The following CTIF variants were observed in gnomAD, a reference collection of about 807,000 sequenced individuals.
CTIF encodes cap binding complex dependent translation initiation factor.
Under a neutral mutation model 66.0 loss-of-function variants are expected in CTIF, and 21 were observed. The observed-to-expected ratio is 0.32, with a 90% CI of 0.23 to 0.46. The LOEUF (loss-of-function observed/expected upper bound fraction) is 0.46. Among genes scored for constraint, CTIF ranks in the 20% least tolerant of loss-of-function variants. The pLI, the probability that CTIF is intolerant of heterozygous loss-of-function variation, is 1.00. For missense variants in CTIF, 739 were observed against 812.7 expected (o/e 0.91, Z 1.10); for synonymous variants, 345 against 326.4 (o/e 1.06, Z -0.62).
chr18:48,714,723 T>C (rs1490894818), intron 7 of CTIF, among the ~76,000 whole-genome samples: 3 of 152,232 alleles, frequency 2.0e-5, no homozygotes, highest in African/African-American at 7.2e-5. Flanking sequence ...AGCTGAATTA[T>C]ATAGCAGTTT....
chr18:48,625,485 C>A (rs2090577174), intron 2 of CTIF, among the ~76,000 whole-genome samples: 1 of 152,190 alleles, frequency 6.6e-6, no homozygotes, highest in South Asian at 2.1e-4. Flanking sequence ...TTCTGTGCTA[C>A]CACCTCATTC....
intron 3 of CTIF, among the ~76,000 whole-genome samples, chr18:48,649,525 G>A (rs770931830): frequency 1.2e-4 from 18 of 152,230 alleles, no homozygotes; most frequent in South Asian, 2.1e-4. Flanking sequence ...TGGGGGCAGC[G>A]CATAGCTGAA....
intron 7 of CTIF, among the ~76,000 whole-genome samples, chr18:48,737,148 G>T (rs543741139): frequency 6.6e-6 from 1 of 152,242 alleles, no homozygotes; most frequent in East Asian, 1.9e-4. Context: ...AAGTTGGCTA[G>T]TTCTGTGGCT....
intron 7 of CTIF, among the ~76,000 whole-genome samples, chr18:48,724,709 C>T (rs973017773): frequency 2.0e-5 from 3 of 152,196 alleles, no homozygotes; most frequent in Admixed American, 6.5e-5. Context: ...GAAGCAGGTG[C>T]GGCCACTGAG....
chr18:48,767,300 C>T (rs1909662346), intron 9 of CTIF, among the ~76,000 whole-genome samples: 1 of 152,132 alleles, frequency 6.6e-6, no homozygotes, highest in Admixed American at 6.5e-5. Flanking sequence ...ACGAGTGTGC[C>T]TCTTTTTATG....
chr18:48,600,842 C>G (rs2090077377), intron 1 of CTIF, among the ~76,000 whole-genome samples: 1 of 152,126 alleles, frequency 6.6e-6, no homozygotes, highest in African/African-American at 2.4e-5. Flanking sequence ...ATATTCCCAG[C>G]CAGCCCTGAG....
chr18:48,815,997 T>G (rs756688343), intron 9 of CTIF, among the ~76,000 whole-genome samples: 1 of 152,208 alleles, frequency 6.6e-6, no homozygotes, highest in Admixed American at 6.5e-5. Context: ...ACTCCTGTAT[T>G]GGTCAGCTAT....
At chr18:48,595,321 T>C (rs1265089606) in intron 1 of CTIF, among the ~76,000 whole-genome samples, 1 of 152,234 alleles carries the variant, frequency 6.6e-6, no homozygotes, top group Non-Finnish European at 1.5e-5. Flanking sequence ...CTTCCAGGTC[T>C]CAGTTAGGAT....
chr18:48,771,007 G>A (rs559595495), intron 9 of CTIF, among the ~76,000 whole-genome samples: 3 of 151,756 alleles, frequency 2.0e-5, no homozygotes, highest in African/African-American at 4.8e-5. Context: ...CCCCCCCTAC[G>A]CTGATTAAAT....
At chr18:48,713,882 C>G (rs889063890) in intron 7 of CTIF, among the ~76,000 whole-genome samples, 5 of 152,226 alleles carry the variant, frequency 3.3e-5, no homozygotes, top group Non-Finnish European at 7.3e-5. Flanking sequence ...GTCAGAGCAG[C>G]AGCCATGCCT....
At chr18:48,540,121 AC>A (rs1412422471) in intron 1 of CTIF, 3 of 151,790 alleles carry the variant, frequency 2.0e-5, no homozygotes, top group Non-Finnish European at 4.4e-5. Context: ...AAATCGGTGG[AC>A]CCGTTGCGGT....
intron 7 of CTIF, among the ~76,000 whole-genome samples, chr18:48,735,096 CGTGTGT>C (rs34150644): frequency 8.7e-5 from 13 of 149,852 alleles, no homozygotes; most frequent in South Asian, 2.1e-4. Context: ...AGTTTGTGTG[CGTGTGT>C]GTGTGTGTGT....
intron 6 of CTIF, among the ~76,000 whole-genome samples, chr18:48,707,515 C>A (rs903484186): frequency 6.6e-6 from 1 of 151,768 alleles, no homozygotes. Flanking sequence ...GATTGATCTT[C>A]TCTTCTTCTC....
intron 9 of CTIF, among the ~76,000 whole-genome samples, chr18:48,776,894 G>C (rs1910736961): frequency 6.6e-6 from 1 of 152,242 alleles, no homozygotes; most frequent in Non-Finnish European, 1.5e-5. Context: ...AGATCCGGTG[G>C]GGAGCCCCAG....
intron 6 of CTIF, among the ~76,000 whole-genome samples, chr18:48,678,894 CA>C (rs2091691544): frequency 6.6e-6 from 1 of 152,192 alleles, no homozygotes; most frequent in Admixed American, 6.5e-5. Flanking sequence ...GTCCACAGAC[CA>C]AGTCCAGCTC....
intron 10 of CTIF, among the ~76,000 whole-genome samples, chr18:48,819,328 G>T (rs1214321229): frequency 6.6e-6 from 1 of 152,202 alleles, no homozygotes; most frequent in Non-Finnish European, 1.5e-5. Context: ...GTGGCCTCTT[G>T]GGTCCTCCCA....
At chr18:48,583,067 G>A (rs1249898109) in intron 1 of CTIF, among the ~76,000 whole-genome samples, 1 of 152,188 alleles carries the variant, frequency 6.6e-6, no homozygotes, top group East Asian at 1.9e-4. Flanking sequence ...GGAGGGAGGA[G>A]GATGATGGGG....
chr18:48,861,752 C>T lies in CTIF; in HGVS notation c.*2193C>T, dbSNP rs946163788. On this transcript the variant is annotated 3_prime_UTR_variant, in exon 12 of 12. Coordinates refer to ENST00000256413, the MANE Select transcript of CTIF (RefSeq NM_014772.3). ...TGTGGAGGGGGCTGTGTTGTGGGCA[C>T]CTTGGGGCCTGATTCTCCTTCCTCC... 1.3e-5 allele frequency: 2 copies of T among 152,282 alleles called. No individual in the cohort carries two copies. Among genetic ancestry groups the T allele is most frequent in the African/African-American group, 4.8e-5 (2 of 41,454 alleles). The allele number at this position is 152,282 out of a possible 1,614,324, so 9.4% of individuals were successfully genotyped here. A position where few individuals can be genotyped will look rare whatever the true frequency, so the allele number is the denominator to read the frequency against.
At chr18:48,541,836 C>A (rs2088627876) in intron 1 of CTIF, among the ~76,000 whole-genome samples, 1 of 151,658 alleles carries the variant, frequency 6.6e-6, no homozygotes, top group Admixed American at 6.6e-5. Flanking sequence ...CCCCCAGAAC[C>A]TCCCCCCTCC....
Sources: gnomAD v4.1 joint callset for allele counts (sites outside exome capture counted in the v4.1 genomes callset) on GRCh38, gnomAD v4.1.1 for gene constraint, MANE v1.5 for transcripts, NCBI Gene and HGNC (gene_info 2026-07-23, HGNC 2026-07-21) for gene names.